The following FAM240B variants were observed in gnomAD, a reference collection of about 807,000 sequenced individuals.
The protein encoded by FAM240B is protein FAM240B.
chr9:38,709,861 T>G (rs1821231897), intron 1 of FAM240B, among the ~76,000 whole-genome samples: 1 of 152,258 alleles, frequency 6.6e-6, no homozygotes. Context: ...AAACTCAATT[T>G]CAGAGGTGCA....
intron 1 of FAM240B, among the ~76,000 whole-genome samples, chr9:38,708,743 C>T (rs1821220137): frequency 6.6e-6 from 1 of 152,194 alleles, no homozygotes; most frequent in South Asian, 2.1e-4. Context: ...ATCTCCTGAT[C>T]CCTGGCAAGC....
At chr9:38,696,230 A>G (rs1238028254) in intron 2 of FAM240B, among the ~76,000 whole-genome samples, 1 of 152,196 alleles carries the variant, frequency 6.6e-6, no homozygotes, top group Non-Finnish European at 1.5e-5. Context: ...TTCATCTTTC[A>G]TTCTTATAAA....
At chr9:38,696,793 G>A (rs1414990296) in intron 2 of FAM240B, among the ~76,000 whole-genome samples, 1 of 152,116 alleles carries the variant, frequency 6.6e-6, no homozygotes, top group Admixed American at 6.5e-5. Flanking sequence ...CAGCTTGGGC[G>A]ACAGACGGAG....
At position 38,697,188 on chromosome 9, in the gene FAM240B, C is replaced by T. The variant is rs540875861; in HGVS notation, c.144-2319G>A. ...ACTGGGTGTGGTGGCCATGAAAATGCGCCACTCAGATGTAAGGAGCAAAGT... is the reference window on the plus strand; with the variant it reads ...ACTGGGTGTGGTGGCCATGAAAATGTGCCACTCAGATGTAAGGAGCAAAGT... On this transcript the variant is annotated intron_variant, in intron 2 of 2. Transcript: ENST00000637493. 1.5e-4 allele frequency among the ~76,000 whole-genome samples: 23 copies of T among 152,280 alleles called. No individual in the cohort carries two copies. The South Asian group carries it at 1.7e-3, about 11-fold the overall frequency.
chr9:38,698,655 T>C (rs1025148036), intron 2 of FAM240B, among the ~76,000 whole-genome samples: 9 of 152,130 alleles, frequency 5.9e-5, no homozygotes, highest in Non-Finnish European at 1.2e-4. Flanking sequence ...ACACATCTAC[T>C]CTCCTCTTGC....
intron 2 of FAM240B, among the ~76,000 whole-genome samples, chr9:38,699,942 C>A (rs778576683): frequency 2.0e-4 from 31 of 152,332 alleles, no homozygotes; most frequent in Admixed American, 5.2e-4. Context: ...ACACCTACTC[C>A]ATTCTCGTAG....
intron 1 of FAM240B, among the ~76,000 whole-genome samples, chr9:38,705,717 C>T (rs191578249): frequency 4.5e-4 from 69 of 152,144 alleles, no homozygotes; most frequent in African/African-American, 1.3e-3. Context: ...ATGCTCTCAT[C>T]AGAGGGGCAG....
intron 1 of FAM240B, among the ~76,000 whole-genome samples, chr9:38,717,201 G>A (rs1821314327): frequency 6.6e-6 from 1 of 152,164 alleles, no homozygotes. Flanking sequence ...TTCTTGGGAT[G>A]GTCTACATAT....
At chr9:38,694,999 G>A (rs1821052586) in intron 2 of FAM240B, 130 bp from the exon 3 acceptor site, 1 of 394,290 alleles carries the variant, frequency 2.5e-6, no homozygotes, top group African/African-American at 2.1e-5. Context: ...CCCTCCCTGT[G>A]TCCATGTGTT....
In FAM240B at chr9:38,699,855, C is replaced by T. The variant is rs566316856; in HGVS notation, c.143+4002G>A. ...TAGAGTTGACTGAATTCTTGATCTC[C>T]CATTTCAGATCTCAGTACTCCAATC... On this transcript the variant is annotated intron_variant, in intron 2 of 2. Coordinates refer to ENST00000637493, the MANE Select transcript of FAM240B (RefSeq NM_001394922.1). Among the ~76,000 whole-genome samples the T allele has an allele frequency of 1.2e-4, 18 of 152,340 alleles. No homozygotes were observed. The South Asian group carries it at 3.5e-3, about 30-fold the overall frequency.
intron 1 of FAM240B, among the ~76,000 whole-genome samples, chr9:38,707,637 C>A (rs199846261): frequency 0.19 from 25,787 of 133,808 alleles, 2,366 homozygotes; most frequent in East Asian, 0.22. Flanking sequence ...AAAAAAAAAA[C>A]CAAAAAATTA....
At chr9:38,699,985 T>C (rs745320582) in intron 2 of FAM240B, among the ~76,000 whole-genome samples, 1 of 152,198 alleles carries the variant, frequency 6.6e-6, no homozygotes, top group Non-Finnish European at 1.5e-5. Context: ...TGTTTTTTCA[T>C]AGTGGGAAGA....
intron 1 of FAM240B, among the ~76,000 whole-genome samples, chr9:38,707,637 C>CAAAAAAAAAAA (rs1821206383): frequency 7.5e-6 from 1 of 133,884 alleles, no homozygotes; most frequent in Non-Finnish European, 1.7e-5. Flanking sequence ...AAAAAAAAAA[C>CAAAAAAAAAAA]CAAAAAATTA....
rs1821158947 is a variant in FAM240B, at chr9:38,703,933, A to G, written c.67T>C (p.Trp23Arg). Residue 23 changes from tryptophan (W) to arginine (R), a missense_variant, in exon 2 of 3, where the codon TGG (tryptophan) becomes CGG (arginine). Trp to Arg is a moderately radical substitution (Grantham distance 101, BLOSUM62 -3). Transcript: ENST00000637493. ...CGTCHELKSFWEKEISKQTFY... is the reference protein window; with the variant it reads ...CGTCHELKSFREKEISKQTFY... Reference sequence around the variant, plus strand: ...GTCTGTTTGCTAATTTCTTTTTCCCAGAAGCTTTTGAGCTCATGACAAGTT... The same window carrying G: ...GTCTGTTTGCTAATTTCTTTTTCCCGGAAGCTTTTGAGCTCATGACAAGTT... The G allele has an allele frequency of 5.0e-6, 2 of 400,596 alleles. No individual in the cohort carries two copies. Among genetic ancestry groups the G allele is most frequent in the Non-Finnish European group, 8.8e-6 (2 of 226,126 alleles). 24.8% of individuals were successfully genotyped at this position (400,596 alleles called of 1,614,324 possible). A position where few individuals can be genotyped will look rare whatever the true frequency, so the allele number is the denominator to read the frequency against.
rs868187796 is a variant in FAM240B, at chr9:38,703,978, G to A, written c.22C>T (p.Arg8Ter). The change falls in exon 2 of 3, where the codon CGA becomes TGA. Residue 8 changes from arginine to a stop codon, truncating the protein, a stop_gained. Transcript: ENST00000637493. LOFTEE classifies it high-confidence loss of function. MNNQYIR[R>*]EVFCCGTCHE... ...CAAGTTCCACAGCAGAAGACTTCTC[G>A]ACGGATGTATTGATTGTTCATCCCC... is the stretch of plus-strand genomic sequence containing the variant. The A allele has an allele frequency of 3.2e-5, 13 of 400,102 alleles. No individual in the cohort carries two copies. The highest frequency in any genetic ancestry group is 1.8e-4 in the Admixed American group (4 of 22,696). The allele number at this position is 400,102 out of a possible 1,614,324, so 24.8% of individuals were successfully genotyped here.
chr9:38,716,566 A>G (rs1161474644), intron 1 of FAM240B, among the ~76,000 whole-genome samples: 1 of 152,206 alleles, frequency 6.6e-6, no homozygotes, highest in Non-Finnish European at 1.5e-5. Context: ...TGCCAGTCAA[A>G]ATTCTCCAAA....
Position 38,715,183 on chromosome 9 carries a change from C to T in FAM240B, c.-4+4839G>A, listed in dbSNP as rs147257806. Among the ~76,000 whole-genome samples the T allele has an allele frequency of 9.1e-4, 139 of 152,260 alleles. 1 individual carries two copies. The East Asian group carries it at 0.025, about 28-fold the overall frequency. The stretch of plus-strand genomic sequence containing the variant: ...ATTTTCAGTGCACAAAGAGATATTC[C>T]GTCCTGGAGCCAGCAGCGTCCTGCT... On this transcript the variant is annotated intron_variant, in intron 1 of 2. Coordinates refer to ENST00000637493, the MANE Select transcript of FAM240B (RefSeq NM_001394922.1).
chr9:38,697,132 T>C (rs1821078366), intron 2 of FAM240B, among the ~76,000 whole-genome samples: 2 of 152,220 alleles, frequency 1.3e-5, no homozygotes, highest in African/African-American at 4.8e-5. Context: ...TAATGTGGAT[T>C]CATTCATTAA....
chr9:38,704,284 C>A (rs141153374), intron 1 of FAM240B, among the ~76,000 whole-genome samples: 398 of 152,168 alleles, frequency 2.6e-3, no homozygotes, highest in African/African-American at 9.1e-3. Context: ...GATTTTAAGG[C>A]TTGCCCTTTT....
Sources: gnomAD v4.1 joint callset for allele counts (sites outside exome capture counted in the v4.1 genomes callset) on GRCh38, gnomAD v4.1.1 for gene constraint, MANE v1.5 for transcripts, NCBI Gene and HGNC (gene_info 2026-07-23, HGNC 2026-07-21) for gene names.